The following NUDC variants were observed in gnomAD, a reference collection of about 807,000 sequenced individuals.
NUDC encodes the protein nuclear distribution C, dynein complex regulator, also known as nuclear migration protein nudC.
A neutral mutation model predicts 45.0 loss-of-function variants in NUDC; 14 were observed. The observed-to-expected ratio is 0.31, with a 90% CI of 0.21 to 0.49. The LOEUF is 0.49. Among genes scored for constraint, NUDC ranks in the 20% least tolerant of loss-of-function variants. The pLI, the probability that NUDC is intolerant of heterozygous loss-of-function variation, is 0.99. For missense variants in NUDC, 323 were observed against 426.2 expected (o/e 0.76, Z 2.13); for synonymous variants, 153 against 156.7 (o/e 0.98, Z 0.17).
At chr1:26,911,265 C>A in intron 3 of NUDC, 1 of 434,154 alleles carries the variant, frequency 2.3e-6, no homozygotes. Flanking sequence ...GGGTAGGAGC[C>A]AGGGGAGCGG....
chr1:26,916,487 G>T (rs2082062355), intron 3 of NUDC, among the ~76,000 whole-genome samples: 1 of 152,006 alleles, frequency 6.6e-6, no homozygotes, highest in Non-Finnish European at 1.5e-5. Flanking sequence ...CTTTCAAGCT[G>T]GTGTCTGTGT....
upstream of NUDC, among the ~76,000 whole-genome samples, chr1:26,920,840 A>T (rs963851238): frequency 7.2e-5 from 11 of 151,732 alleles, no homozygotes; most frequent in Non-Finnish European, 1.5e-4. Context: ...CTGGAGGCTG[A>T]AGTGGGGAAG....
At chr1:26,913,284 C>A in intron 3 of NUDC, 1 of 901,560 alleles carries the variant, frequency 1.1e-6, no homozygotes, top group Non-Finnish European at 1.8e-6. Context: ...GAGACTCTGT[C>A]TCAGAAAAAT....
chr1:26,914,975 A>ATATATGTATATGTATATG (rs57409245), intron 3 of NUDC, among the ~76,000 whole-genome samples: 240 of 141,312 alleles, frequency 1.7e-3, no homozygotes, highest in African/African-American at 5.9e-3. Flanking sequence ...TCAAAAAAAT[A>ATATATGTATATGTATATG]TATATGTATA....
intron 2 of NUDC, among the ~76,000 whole-genome samples, chr1:26,937,215 C>T (rs1325140236): frequency 1.3e-5 from 2 of 152,168 alleles, no homozygotes; most frequent in South Asian, 2.1e-4. Flanking sequence ...GTGCCACCCT[C>T]CCGACACCTT....
intron 2 of NUDC, among the ~76,000 whole-genome samples, chr1:26,931,882 T>C (rs1341062739): frequency 6.6e-6 from 1 of 151,372 alleles, no homozygotes; most frequent in East Asian, 2.0e-4. Context: ...AGACAGGGTT[T>C]CAGTAACATT....
intron 2 of NUDC, among the ~76,000 whole-genome samples, chr1:26,928,039 A>G (rs2082148862): frequency 6.6e-6 from 1 of 152,216 alleles, no homozygotes; most frequent in Non-Finnish European, 1.5e-5. Context: ...TAGTTTTTAT[A>G]GCTTTTGGGG....
chr1:26,939,953 G>A (rs1236090390), intron 2 of NUDC, among the ~76,000 whole-genome samples: 1 of 152,226 alleles, frequency 6.6e-6, no homozygotes, highest in Non-Finnish European at 1.5e-5. Context: ...TTGTTCACTT[G>A]TCTAAGGCCA....
chr1:26,930,614 G>A (rs1022582328), intron 2 of NUDC, among the ~76,000 whole-genome samples: 3 of 151,848 alleles, frequency 2.0e-5, no homozygotes, highest in Non-Finnish European at 2.9e-5. Context: ...GCAGACCAAG[G>A]TGGGAGGATC....
At chr1:26,913,557 G>A (rs2082041462) in intron 3 of NUDC, 1 of 1,614,004 alleles carries the variant, frequency 6.2e-7, no homozygotes, top group South Asian at 1.1e-5. Context: ...TGCCTCCACT[G>A]CTGCTGGGCT....
chr1:26,927,264 CGTGTGT>C (rs60238934), intron 2 of NUDC, among the ~76,000 whole-genome samples: 42 of 91,826 alleles, frequency 4.6e-4, no homozygotes, highest in South Asian at 2.0e-3. Flanking sequence ...AGAGATGAAC[CGTGTGT>C]GTGTGTGTGT....
intron 3 of NUDC, chr1:26,912,115 G>C (rs1477627631): frequency 3.1e-6 from 5 of 1,611,890 alleles, no homozygotes; most frequent in Non-Finnish European, 4.2e-6. Flanking sequence ...AAGAGGGCTG[G>C]TGAGCACCCT....
rs1158634842 is a variant in NUDC, at chr1:26,921,785, G to C, written c.-64G>C. ...AGAGTCGTTGGGCCCGGCGCGACCC[G>C]CAGGAGCGTAGAGAGCGCGGGACTA... On this transcript the variant is annotated 5_prime_UTR_variant, in exon 1 of 9. Transcript: ENST00000321265. 3 of 1,509,916 alleles carry C rather than the reference G, an allele frequency of 2.0e-6. No homozygotes were observed. The highest frequency in any genetic ancestry group is 3.9e-5 in the Admixed American group (2 of 50,864). 93.5% of individuals were successfully genotyped at this position (1,509,916 alleles called of 1,614,324 possible). A position where few individuals can be genotyped will look rare whatever the true frequency, so the allele number is the denominator to read the frequency against.
chr1:26,922,074 C>A, intron 1 of NUDC, 145 bp downstream of exon 1: 1 of 838,924 alleles, frequency 1.2e-6, no homozygotes, highest in Non-Finnish European at 1.9e-6. Flanking sequence ...AGCTTCCGGC[C>A]TGGCCACCCG....
rs2082318479 is a variant in NUDC at position 26,946,455 on chromosome 1, C to G, written c.*274C>G. 8.2e-6 allele frequency: 4 copies of G among 486,528 alleles called. No homozygotes were observed. In the East Asian group the frequency reaches 1.6e-4, roughly 20 times the overall value. The allele number at this position is 486,528 out of a possible 1,614,324, so 30.1% of individuals were successfully genotyped here. A position where few individuals can be genotyped will look rare whatever the true frequency, so the allele number is the denominator to read the frequency against. ...CTGGGGCACAGGCCTCTTACGGCTG[C>G]TGCTGGGAACTGGGAGTTTGGCTTC... On this transcript the variant is annotated 3_prime_UTR_variant, in exon 9 of 9. Coordinates refer to ENST00000321265, the MANE Select transcript of NUDC (RefSeq NM_006600.4).
Position 26,945,442 on chromosome 1 carries a change from A to G in NUDC, c.794A>G (p.Asn265Ser). 1 of 1,614,200 alleles carries G rather than the reference A, an allele frequency of 6.2e-7. No homozygotes were observed. Among genetic ancestry groups the G allele is most frequent in the Admixed American group, 1.7e-5 (1 of 60,018 alleles). The change falls in exon 7 of 9, where the codon AAC (asparagine) becomes AGC (serine). Residue 265 changes from asparagine (N) to serine (S), a missense_variant. Physicochemically the swap from Asn to Ser is conservative, Grantham distance 46. Around this residue, in one of 3 missense-constraint regions of NUDC, gnomAD observed 54 missense variants for 100.2 expected, o/e 0.54. Coordinates refer to ENST00000321265, the MANE Select transcript of NUDC (RefSeq NM_006600.4). Reference sequence around the variant, plus strand: ...TTGGTGTCCAGTGACCCTGAGATCAACACCAAGAAGATTAACCCTGAGAAT... The same window carrying G: ...TTGGTGTCCAGTGACCCTGAGATCAGCACCAAGAAGATTAACCCTGAGAAT... The part of the protein sequence containing the change: ...SRLVSSDPEI[N>S]TKKINPENSK...
At chr1:26,933,912 T>G (rs1183395390) in intron 2 of NUDC, among the ~76,000 whole-genome samples, 2 of 152,070 alleles carry the variant, frequency 1.3e-5, no homozygotes, top group Non-Finnish European at 2.9e-5. Flanking sequence ...CCCACCACTT[T>G]GGGTGGCCAA....
intron 3 of NUDC, chr1:26,911,647 C>A: frequency 1.6e-6 from 1 of 640,786 alleles, no homozygotes; most frequent in East Asian, 2.9e-5. Flanking sequence ...AAAAGCCTCC[C>A]AGGCAGCTGG....
At chr1:26,946,104 G>A (rs1051458374) in intron 8 of NUDC, 26 bp from the exon 9 acceptor site, 2 of 1,591,442 alleles carry the variant, frequency 1.3e-6, no homozygotes, top group East Asian at 2.2e-5. Context: ...AGGATGAGCT[G>A]TTTCATCTTG....
Sources: allele counts gnomAD v4.1 joint callset (sites outside exome capture counted in the v4.1 genomes callset), GRCh38; gene constraint gnomAD v4.1.1; regional missense constraint gnomAD v4.1.1; transcripts MANE v1.5; gene names NCBI Gene and HGNC (gene_info 2026-07-23, HGNC 2026-07-21).